The following GRIN3A variants were observed in gnomAD, a reference collection of about 807,000 sequenced individuals.
GRIN3A encodes glutamate receptor ionotropic, NMDA 3A.
A neutral mutation model predicts 92.4 loss-of-function variants in GRIN3A; 47 were observed. That is an observed-to-expected ratio of 0.51 (90% confidence interval 0.40 to 0.65). The LOEUF (loss-of-function observed/expected upper bound fraction) is 0.65. Among genes scored for constraint, GRIN3A ranks in the 30% least tolerant of loss-of-function variants. The pLI is 0.00. For missense variants in GRIN3A, 1,324 were observed against 1,393.1 expected, an observed-to-expected ratio of 0.95 and a Z score of 0.79; for synonymous variants, 527 against 540.6, an observed-to-expected ratio of 0.97 and a Z score of 0.35.
chr9:101,737,779 G>A lies in GRIN3A; in HGVS notation c.201C>T (p.Arg67=). The A allele has an allele frequency of 6.5e-7, 1 of 1,528,178 alleles. No homozygotes were observed. Among genetic ancestry groups the A allele is most frequent in the Non-Finnish European group, 8.7e-7 (1 of 1,143,762 alleles). The allele number at this position is 1,528,178 out of a possible 1,614,324, so 94.7% of individuals were successfully genotyped here. A position where few individuals can be genotyped will look rare whatever the true frequency, so the allele number is the denominator to read the frequency against. The change falls in exon 1 of 9, where the codon CGC becomes CGT. Residue 67 remains arginine, a synonymous_variant. Transcript: ENST00000361820. ...CTCCTGCTCGGCTGTCGTCCGGAGC[G>A]CGGCTGGCCGCGCGGGGGGCGGTGG... ...PWTTAPRAAS[R]APDDSRAGAQ... is the part of the protein sequence containing the mutation.
At chr9:101,582,056 G>A (rs547314440) in intron 6 of GRIN3A, among the ~76,000 whole-genome samples, 8 of 152,284 alleles carry the variant, frequency 5.3e-5, no homozygotes, top group Non-Finnish European at 8.8e-5. Context: ...AACCCATGCC[G>A]TCTGTTTTCA....
intron 6 of GRIN3A, among the ~76,000 whole-genome samples, 175 bp downstream of exon 6, chr9:101,613,201 G>T (rs542125811): frequency 4.6e-5 from 7 of 152,278 alleles, no homozygotes; most frequent in African/African-American, 1.7e-4. Context: ...CCACATCCCT[G>T]TAAATTCCTA....
In GRIN3A at chr9:101,670,543, C is replaced by T. The variant is rs1474677248; in HGVS notation, c.1869G>A (p.Gly623=). The change falls in exon 3 of 9, where the codon GGG becomes GGA. Residue 623 remains glycine (G), a synonymous_variant. Transcript: ENST00000361820. ...WTGLVGDLLR[G]TAHMAVTSFS... ...AGGAAGTGACTGCCATGTGGGCAGT[C>T]CCTCTCAGGAGATCACCCACTAGCC... The T allele has an allele frequency of 6.2e-7, 1 of 1,614,008 alleles. No individual in the cohort carries two copies.
chr9:101,690,809 T>C (rs1476611772), intron 1 of GRIN3A, among the ~76,000 whole-genome samples: 11 of 152,140 alleles, frequency 7.2e-5, no homozygotes, highest in Admixed American at 7.2e-4. Flanking sequence ...ATTACTGTGT[T>C]ATAAATTAAA....
intron 6 of GRIN3A, among the ~76,000 whole-genome samples, chr9:101,603,849 C>T (rs1023737038): frequency 1.3e-5 from 2 of 152,212 alleles, no homozygotes; most frequent in African/African-American, 4.8e-5. Flanking sequence ...CAGTGTTTTA[C>T]TCTGGTTTTG....
chr9:101,667,924 C>T (rs1280177807), intron 3 of GRIN3A, among the ~76,000 whole-genome samples: 1 of 152,024 alleles, frequency 6.6e-6, no homozygotes, highest in Non-Finnish European at 1.5e-5. Context: ...AGAAACAACG[C>T]TAGTACACAC....
Position 101,604,776 on chromosome 9 carries a change from T to G in GRIN3A, c.2766+8600A>C, listed in dbSNP as rs895955668. ...TTCCCTTTGAGTTTTTAATATGAATTAAAGATAAACTGGTCAGAAAAAACT... is the reference window on the plus strand; with the variant it reads ...TTCCCTTTGAGTTTTTAATATGAATGAAAGATAAACTGGTCAGAAAAAACT... On this transcript the variant is annotated intron_variant, in intron 6 of 8. Coordinates refer to ENST00000361820, the MANE Select transcript of GRIN3A (RefSeq NM_133445.3). Among the ~76,000 whole-genome samples, 5 of 152,136 alleles carry G rather than the reference T, an allele frequency of 3.3e-5. No homozygotes were observed. In the East Asian group the frequency reaches 7.7e-4, roughly 23 times the overall value.
intron 3 of GRIN3A, among the ~76,000 whole-genome samples, chr9:101,637,207 C>T (rs1828795919): frequency 6.6e-6 from 1 of 152,202 alleles, no homozygotes; most frequent in Non-Finnish European, 1.5e-5. Context: ...ATTCTCCTGC[C>T]TCAGCCTCCC....
chr9:101,594,756 G>A (rs1378306586), intron 6 of GRIN3A: 1 of 1,614,044 alleles, frequency 6.2e-7, no homozygotes, highest in Non-Finnish European at 8.5e-7. Flanking sequence ...ATCACTCGCC[G>A]CACCAACGGG....
chr9:101,720,563 C>T (rs7863180), intron 1 of GRIN3A, among the ~76,000 whole-genome samples: 83,650 of 152,096 alleles, frequency 0.55, 23,468 homozygotes, highest in African/African-American at 0.66. Context: ...CTCTGCTATA[C>T]AATGGGTCAA....
At chr9:101,576,775 T>C (rs1380501096) in intron 8 of GRIN3A, among the ~76,000 whole-genome samples, 1 of 152,120 alleles carries the variant, frequency 6.6e-6, no homozygotes, top group Non-Finnish European at 1.5e-5. Context: ...GAGTGCTCAT[T>C]GACTGGAAAG....
rs527262792 is a variant in GRIN3A at position 101,640,566 on chromosome 9, G to T, written c.2353-12165C>A. Among the ~76,000 whole-genome samples the T allele has an allele frequency of 4.6e-5, 7 of 152,260 alleles. No homozygotes were observed. In the East Asian group the frequency reaches 1.4e-3, roughly 29 times the overall value. On this transcript the variant is annotated intron_variant, in intron 3 of 8. Transcript: ENST00000361820. ...ATGTTAGTTCTGTTTCCACTACCTTGTGTAATCCTTATAGCAAAGAGACTG... is the reference window on the plus strand; with the variant it reads ...ATGTTAGTTCTGTTTCCACTACCTTTTGTAATCCTTATAGCAAAGAGACTG...
rs552789292 is a variant in GRIN3A at position 101,662,750 on chromosome 9, T to C, written c.2352+7310A>G. 1.6e-4 allele frequency among the ~76,000 whole-genome samples: 25 copies of C among 151,966 alleles called. No individual in the cohort carries two copies. The South Asian group carries it at 4.8e-3, about 29-fold the overall frequency. ...AGTATTCAGTCTCCCAACTTGGTAA[T>C]ATGGTAGTTATTTTATCCCAACTAT... On this transcript the variant is annotated intron_variant, in intron 3 of 8. Transcript: ENST00000361820.
At position 101,692,745 on chromosome 9, in the gene GRIN3A, G is replaced by A. The variant is rs187826067; in HGVS notation, c.700-5545C>T. 1.2e-3 allele frequency among the ~76,000 whole-genome samples: 180 copies of A among 152,244 alleles called. 1 individual carries two copies. The highest frequency in any genetic ancestry group is 4.0e-3 in the African/African-American group (168 of 41,542). The stretch of plus-strand genomic sequence containing the variant: ...TCCTCAGCCAAAGAGGCTGCAGGAG[G>A]TTTTCTGTTTCTCATTATCTCACAT... On this transcript the variant is annotated intron_variant, in intron 1 of 8. Coordinates refer to ENST00000361820, the MANE Select transcript of GRIN3A (RefSeq NM_133445.3).
intron 1 of GRIN3A, among the ~76,000 whole-genome samples, chr9:101,698,310 G>C (rs1829707233): frequency 6.6e-6 from 1 of 152,142 alleles, no homozygotes; most frequent in Non-Finnish European, 1.5e-5. Context: ...TACATCAAAA[G>C]CTTTTAGAAT....
chr9:101,635,606 T>C (rs1036558042), intron 3 of GRIN3A, among the ~76,000 whole-genome samples: 1 of 152,226 alleles, frequency 6.6e-6, no homozygotes, highest in Non-Finnish European at 1.5e-5. Context: ...TCAGCAGGCT[T>C]CCTGGCACTG....
At chr9:101,641,094 G>A (rs1415131303) in intron 3 of GRIN3A, among the ~76,000 whole-genome samples, 1 of 152,106 alleles carries the variant, frequency 6.6e-6, no homozygotes, top group African/African-American at 2.4e-5. Context: ...GAATGAATAT[G>A]CCTAAAGCAT....
chr9:101,644,864 C>T (rs1828916290), intron 3 of GRIN3A, among the ~76,000 whole-genome samples: 2 of 151,728 alleles, frequency 1.3e-5, no homozygotes, highest in Admixed American at 6.6e-5. Context: ...TCCCTTTTCC[C>T]TCTATTTTTT....
chr9:101,687,681 A>G (rs1349364493), intron 1 of GRIN3A, among the ~76,000 whole-genome samples: 1 of 152,252 alleles, frequency 6.6e-6, no homozygotes, highest in Non-Finnish European at 1.5e-5. Flanking sequence ...TGAAAGATGG[A>G]TGCATCATAG....
Sources: allele counts gnomAD v4.1 joint callset (sites outside exome capture counted in the v4.1 genomes callset), GRCh38; gene constraint gnomAD v4.1.1; transcripts MANE v1.5; gene names NCBI Gene and HGNC (gene_info 2026-07-23, HGNC 2026-07-21).